The following KDM1A variants were observed in gnomAD, a reference collection of about 807,000 sequenced individuals.
KDM1A encodes lysine demethylase 1A.
Under a neutral mutation model 109.4 loss-of-function variants are expected in KDM1A, and 49 were observed. The observed-to-expected ratio is 0.45, with a 90% CI of 0.36 to 0.57. The LOEUF is 0.57. Among genes scored for constraint, KDM1A ranks in the 20% least tolerant of loss-of-function variants. The pLI is 0.00. For missense variants in KDM1A, 668 were observed against 1,116.6 expected (o/e 0.60, Z 5.73); for synonymous variants, 380 against 415.4 (o/e 0.91, Z 1.04).
At chr1:23,036,350 T>C (rs764815401) in intron 2 of KDM1A, among the ~76,000 whole-genome samples, 20 of 152,076 alleles carry the variant, frequency 1.3e-4, no homozygotes, top group African/African-American at 4.6e-4. Flanking sequence ...GACATGCTAG[T>C]GTAAAATAAA....
At chr1:23,031,158 T>A (rs1641970009) in intron 2 of KDM1A, among the ~76,000 whole-genome samples, 1 of 152,122 alleles carries the variant, frequency 6.6e-6, no homozygotes, top group Non-Finnish European at 1.5e-5. Context: ...TCTAGAAAGA[T>A]TATGGGAGTC....
intron 4 of KDM1A, among the ~76,000 whole-genome samples, chr1:23,052,359 G>A (rs1235948856): frequency 6.6e-6 from 1 of 152,212 alleles, no homozygotes; most frequent in Admixed American, 6.5e-5. Flanking sequence ...TGTTGGGAGT[G>A]AGGAACTTGG....
At chr1:23,027,440 G>T (rs1641840713) in intron 1 of KDM1A, among the ~76,000 whole-genome samples, 1 of 143,898 alleles carries the variant, frequency 6.9e-6, no homozygotes, top group Non-Finnish European at 1.5e-5. Context: ...TTGAGACAGG[G>T]TCTCGACTCT....
At position 23,019,879 on chromosome 1, in the gene KDM1A, A is replaced by AC; in HGVS notation, c.288dup (p.Met97HisfsTer29). 6.4e-7 allele frequency: 1 copy of AC among 1,556,662 alleles called. No homozygotes were observed. The highest frequency in any genetic ancestry group is 8.7e-7 in the Non-Finnish European group (1 of 1,154,752). ...CCCTACTGTCGTGCCTGGGTCTGCGACCCCCATGGAAACTGGAATAGCAGA... is the reference window on the plus strand; with the variant it reads ...CCCTACTGTCGTGCCTGGGTCTGCGACCCCCCATGGAAACTGGAATAGCAGA... On this transcript the variant is annotated frameshift_variant, in exon 1 of 21. Coordinates refer to ENST00000400181, the MANE Select transcript of KDM1A (RefSeq NM_001009999.3). LOFTEE classifies it high-confidence loss of function.
chr1:23,019,790 C>T lies in KDM1A; in HGVS notation c.194C>T (p.Pro65Leu), dbSNP rs543763800. Residue 65 changes from proline to leucine, a missense_variant, in exon 1 of 21, where the codon CCT becomes CTT. Pro to Leu is a moderately conservative substitution (Grantham distance 98, BLOSUM62 -3). This residue lies in a region of KDM1A where 156 missense variants were observed against 163.4 expected (regional missense o/e 0.95). Transcript: ENST00000400181. The part of the protein sequence containing the change: ...VGERTPRKKE[P>L]PRASPPGGLA... Reference sequence around the variant, plus strand: ...GAGCGCACACCCCGCAAGAAAGAGCCTCCGCGGGCCTCGCCCCCCGGGGGC... The same window carrying T: ...GAGCGCACACCCCGCAAGAAAGAGCTTCCGCGGGCCTCGCCCCCCGGGGGC... 1.4e-6 allele frequency: 2 copies of T among 1,381,848 alleles called. No individual in the cohort carries two copies. The highest frequency in any genetic ancestry group is 3.4e-5 in the South Asian group (2 of 59,092). The allele number at this position is 1,381,848 out of a possible 1,614,324, so 85.6% of individuals were successfully genotyped here.
chr1:23,059,948 C>G (rs1456250810), intron 9 of KDM1A, among the ~76,000 whole-genome samples: 1 of 152,080 alleles, frequency 6.6e-6, no homozygotes, highest in Non-Finnish European at 1.5e-5. Flanking sequence ...TAGTAGGATC[C>G]CAACTCGTGA....
intron 2 of KDM1A, among the ~76,000 whole-genome samples, chr1:23,036,072 C>A (rs1455767972): frequency 6.6e-6 from 1 of 152,022 alleles, no homozygotes; most frequent in African/African-American, 2.4e-5. Context: ...TTCAGGTGAA[C>A]CACTTTGTTT....
Position 23,030,652 on chromosome 1 carries a change from A to G in KDM1A, c.517+18A>G, listed in dbSNP as rs762982804. 3 of 1,514,264 alleles carry G rather than the reference A, an allele frequency of 2.0e-6. No homozygotes were observed. Among genetic ancestry groups the G allele is most frequent in the African/African-American group, 1.4e-5 (1 of 70,886 alleles). 93.8% of individuals were successfully genotyped at this position (1,514,264 alleles called of 1,614,324 possible). A position where few individuals can be genotyped will look rare whatever the true frequency, so the allele number is the denominator to read the frequency against. On this transcript the variant is annotated intron_variant, in intron 2 of 20. Coordinates refer to ENST00000400181, the MANE Select transcript of KDM1A (RefSeq NM_001009999.3). ...ACCATCGGGTGAGTTGTAGTATCCA[A>G]CCACAGTTCTGTTTTATCTTAGAAA... is the stretch of plus-strand genomic sequence containing the variant.
In KDM1A at chr1:23,041,726, CCA is replaced by C. The variant is rs1351564087; in HGVS notation, c.518-2699_518-2698del. Among the ~76,000 whole-genome samples, 6 of 152,146 alleles carry C rather than the reference CCA, an allele frequency of 3.9e-5. No individual in the cohort carries two copies. In the South Asian group the frequency reaches 1.2e-3, roughly 32 times the overall value. ...AAAGTGCTGGGATTACAGGCGTGAG[CCA>C]CTGTGCCCAGCCTGGAGTTTCATTT... On this transcript the variant is annotated intron_variant, in intron 2 of 20. Coordinates refer to ENST00000400181, the MANE Select transcript of KDM1A (RefSeq NM_001009999.3).
intron 8 of KDM1A, among the ~76,000 whole-genome samples, chr1:23,058,453 G>A (rs1336928144): frequency 6.6e-6 from 1 of 152,112 alleles, no homozygotes; most frequent in African/African-American, 2.4e-5. Context: ...TTACAAATAC[G>A]TTTCATGGCT....
At chr1:23,060,764 T>C (rs951840395) in intron 9 of KDM1A, among the ~76,000 whole-genome samples, 2 of 152,138 alleles carry the variant, frequency 1.3e-5, no homozygotes, top group Non-Finnish European at 2.9e-5. Flanking sequence ...GTGGTGGATG[T>C]TACTTGCTAG....
rs1049961231 is a variant in KDM1A, at chr1:23,037,304, A to C, written c.517+6670A>C. On this transcript the variant is annotated intron_variant, in intron 2 of 20. Transcript: ENST00000400181. ...GGGTGATAGAGTGAGACCCTGTCTCAAAAAAAAAAAAAAAAAAAGTGCAAT... is the reference window on the plus strand; with the variant it reads ...GGGTGATAGAGTGAGACCCTGTCTCCAAAAAAAAAAAAAAAAAAGTGCAAT... 1.5e-4 allele frequency among the ~76,000 whole-genome samples: 20 copies of C among 135,486 alleles called. No individual in the cohort carries two copies. The East Asian group carries it at 4.4e-3, about 30-fold the overall frequency. The allele number at this position is 135,486 out of a possible 152,430, so 88.9% of individuals were successfully genotyped here.
intron 7 of KDM1A, 113 bp downstream of exon 7, chr1:23,056,151 T>TAATA (rs376715000): frequency 2.7e-5 from 19 of 704,134 alleles, no homozygotes; most frequent in Middle Eastern, 2.5e-4. Context: ...TTGATTTGTA[T>TAATA]AATACTCAGA....
At chr1:23,049,179 A>G (rs1050890597) in intron 3 of KDM1A, among the ~76,000 whole-genome samples, 3 of 136,000 alleles carry the variant, frequency 2.2e-5, no homozygotes, top group South Asian at 4.6e-4. Flanking sequence ...AAAAAAAATT[A>G]TATATGGATA....
rs1289726178 is a variant in KDM1A, at chr1:23,082,247, C to T, written c.2326C>T (p.Arg776Cys). Residue 776 changes from arginine (R) to cysteine (C), a missense_variant, in exon 20 of 21, where the codon CGT becomes TGT. Around this residue, in one of 8 missense-constraint regions of KDM1A, gnomAD observed 162 missense variants for 376.4 expected, o/e 0.43. Coordinates refer to ENST00000400181, the MANE Select transcript of KDM1A (RefSeq NM_001009999.3). ...QPKETVVSRW[R>C]ADPWARGSYS... Reference sequence around the variant, plus strand: ...CAAAGAAACTGTGGTGTCTCGTTGGCGTGCTGATCCCTGGGCTCGGGGCTC... The same window carrying T: ...CAAAGAAACTGTGGTGTCTCGTTGGTGTGCTGATCCCTGGGCTCGGGGCTC... The T allele has an allele frequency of 3.7e-6, 6 of 1,613,500 alleles. No homozygotes were observed. The highest frequency in any genetic ancestry group is 2.7e-5 in the African/African-American group (2 of 74,770).
At chr1:23,076,530 G>T (rs1245171087) in intron 15 of KDM1A, among the ~76,000 whole-genome samples, 1 of 152,124 alleles carries the variant, frequency 6.6e-6, no homozygotes. Flanking sequence ...TATCCTTCAA[G>T]TCTGTAATGT....
chr1:23,038,453 T>C (rs1355229055), intron 2 of KDM1A, among the ~76,000 whole-genome samples: 1 of 152,204 alleles, frequency 6.6e-6, no homozygotes, highest in African/African-American at 2.4e-5. Flanking sequence ...GCTTTGTTAT[T>C]AACCAGACAC....
chr1:23,051,198 C>CT (rs1408626692), intron 4 of KDM1A, among the ~76,000 whole-genome samples: 1 of 152,170 alleles, frequency 6.6e-6, no homozygotes, highest in Non-Finnish European at 1.5e-5. Flanking sequence ...CAGCCTCTTC[C>CT]TCTGGCTGAA....
At chr1:23,035,498 G>A (rs148657510) in intron 2 of KDM1A, among the ~76,000 whole-genome samples, 28 of 152,104 alleles carry the variant, frequency 1.8e-4, no homozygotes, top group Non-Finnish European at 3.2e-4. Context: ...CACCATGCCC[G>A]GTCAGGCTGT....
Sources: allele counts gnomAD v4.1 joint callset (sites outside exome capture counted in the v4.1 genomes callset), GRCh38; gene constraint gnomAD v4.1.1; regional missense constraint gnomAD v4.1.1; transcripts MANE v1.5; gene names NCBI Gene and HGNC (gene_info 2026-07-23, HGNC 2026-07-21).